MAPKAP1: variants seen among roughly 807,000 people sequenced by gnomAD.
MAPKAP1 encodes the protein MAPK associated protein 1.
MAPKAP1 carries 20 observed loss-of-function variants against 65.7 expected under a neutral mutation model. The observed-to-expected ratio is 0.30, with a 90% CI of 0.21 to 0.44. The LOEUF (loss-of-function observed/expected upper bound fraction) is 0.44, where lower values mean the gene tolerates loss of function less well. Among genes scored for constraint, MAPKAP1 ranks in the 20% least tolerant of loss-of-function variants. MAPKAP1 has a pLI of 1.00. For synonymous variants in MAPKAP1, 222 were observed against 244.3 expected (o/e 0.91, Z 0.85); for missense variants, 423 against 648.0 (o/e 0.65, Z 3.77).
At chr9:125,491,274 A>G (rs947426851) in intron 8 of MAPKAP1, among the ~76,000 whole-genome samples, 3 of 151,646 alleles carry the variant, frequency 2.0e-5, no homozygotes, top group African/African-American at 7.3e-5. Context: ...CAAAACTCTG[A>G]CTCTACAAAA....
chr9:125,644,790 G>C (rs1473224069), intron 4 of MAPKAP1, among the ~76,000 whole-genome samples: 1 of 152,102 alleles, frequency 6.6e-6, no homozygotes, highest in Non-Finnish European at 1.5e-5. Flanking sequence ...AATTATTCAT[G>C]GTCAACAGAC....
chr9:125,522,672 A>C (rs1292367995), intron 7 of MAPKAP1, among the ~76,000 whole-genome samples: 5 of 152,166 alleles, frequency 3.3e-5, no homozygotes, highest in Non-Finnish European at 5.9e-5. Context: ...CCCTATTGTT[A>C]GAGTGCTCTC....
intron 4 of MAPKAP1, among the ~76,000 whole-genome samples, chr9:125,612,453 G>A (rs1422754501): frequency 6.6e-6 from 1 of 151,806 alleles, no homozygotes; most frequent in Non-Finnish European, 1.5e-5. Flanking sequence ...AATGGGGGGC[G>A]GCATGTGGAG....
chr9:125,562,716 C>T (rs376227315), intron 5 of MAPKAP1, among the ~76,000 whole-genome samples: 12 of 152,164 alleles, frequency 7.9e-5, no homozygotes, highest in African/African-American at 2.2e-4. Context: ...CTCTGCAAAG[C>T]GGCTTAGATA....
chr9:125,702,574 G>A (rs888945010), intron 1 of MAPKAP1, among the ~76,000 whole-genome samples: 3 of 150,788 alleles, frequency 2.0e-5, no homozygotes, highest in Admixed American at 1.3e-4. Context: ...GTACATGGCC[G>A]GATGCAATGG....
At chr9:125,635,209 G>T (rs1372043021) in intron 4 of MAPKAP1, among the ~76,000 whole-genome samples, 1 of 152,188 alleles carries the variant, frequency 6.6e-6, no homozygotes, top group Non-Finnish European at 1.5e-5. Context: ...TGATTTACCA[G>T]ATGCTCTTAA....
chr9:125,580,917 A>G (rs1831604546), intron 5 of MAPKAP1, among the ~76,000 whole-genome samples: 1 of 152,202 alleles, frequency 6.6e-6, no homozygotes, highest in African/African-American at 2.4e-5. Context: ...ATTGTTCTCC[A>G]TCTGTATACT....
chr9:125,634,379 A>C (rs1204370524), intron 4 of MAPKAP1, among the ~76,000 whole-genome samples: 1 of 152,222 alleles, frequency 6.6e-6, no homozygotes, highest in Non-Finnish European at 1.5e-5. Flanking sequence ...CCCTTACCAC[A>C]ACCTCCTCCT....
At chr9:125,500,833 C>T (rs148746605) in intron 8 of MAPKAP1, among the ~76,000 whole-genome samples, 2,269 of 152,188 alleles carry the variant, frequency 0.015, 26 homozygotes, top group Non-Finnish European at 0.024. Flanking sequence ...GAAACAGAAT[C>T]CACTATAAAG....
chr9:125,625,253 A>C (rs1833074512), intron 4 of MAPKAP1, among the ~76,000 whole-genome samples: 1 of 39,100 alleles, frequency 2.6e-5, no homozygotes, highest in Non-Finnish European at 8.3e-5. Flanking sequence ...AAAATAAATA[A>C]ATAAAAAAAA....
chr9:125,537,466 C>T (rs924042602), intron 7 of MAPKAP1, among the ~76,000 whole-genome samples: 7 of 152,144 alleles, frequency 4.6e-5, no homozygotes, highest in African/African-American at 1.4e-4. Context: ...CCTCCCATGG[C>T]ACACAAATCC....
chr9:125,591,149 G>A (rs937441868), intron 4 of MAPKAP1, among the ~76,000 whole-genome samples: 2 of 152,162 alleles, frequency 1.3e-5, no homozygotes, highest in Admixed American at 6.5e-5. Flanking sequence ...AATAACCAAG[G>A]TGGAAGAGCC....
At chr9:125,692,129 G>C (rs945406782) in intron 1 of MAPKAP1, among the ~76,000 whole-genome samples, 3 of 152,140 alleles carry the variant, frequency 2.0e-5, no homozygotes, top group Admixed American at 2.0e-4. Flanking sequence ...GTTAAACAGA[G>C]CGTTACCATA....
At chr9:125,676,276 A>G (rs959136115) in intron 1 of MAPKAP1, among the ~76,000 whole-genome samples, 3 of 152,238 alleles carry the variant, frequency 2.0e-5, no homozygotes, top group African/African-American at 7.2e-5. Context: ...ATAATTGTGT[A>G]AAATATTTAT....
intron 10 of MAPKAP1, among the ~76,000 whole-genome samples, chr9:125,457,384 CTTCTT>C (rs887271884): frequency 2.6e-5 from 4 of 152,084 alleles, no homozygotes; most frequent in South Asian, 4.1e-4. Flanking sequence ...TTTTTGAGTT[CTTCTT>C]TTAAGTCCCT....
intron 9 of MAPKAP1, among the ~76,000 whole-genome samples, chr9:125,478,660 T>C (rs1246372016): frequency 1.3e-5 from 2 of 152,132 alleles, no homozygotes; most frequent in South Asian, 2.1e-4. Flanking sequence ...CACCTGTGGA[T>C]TGGCACCTGT....
At chr9:125,624,031 T>G (rs1448629438) in intron 4 of MAPKAP1, among the ~76,000 whole-genome samples, 1 of 26,396 alleles carries the variant, frequency 3.8e-5, no homozygotes, top group African/African-American at 8.0e-5. Flanking sequence ...GGGAGGGAGG[T>G]GGGGGGGTCA....
At chr9:125,693,710 C>T (rs200550366) in intron 1 of MAPKAP1, among the ~76,000 whole-genome samples, 4 of 130,012 alleles carry the variant, frequency 3.1e-5, no homozygotes, top group East Asian at 4.4e-4. Flanking sequence ...TATATATACA[C>T]ATATATACAC....
chr9:125,698,886 A>G (rs1835513337), intron 1 of MAPKAP1, among the ~76,000 whole-genome samples: 1 of 152,188 alleles, frequency 6.6e-6, no homozygotes, highest in Non-Finnish European at 1.5e-5. Flanking sequence ...ACTAATTTAC[A>G]AAACACAACA....
Sources: gnomAD v4.1 joint callset for allele counts (sites outside exome capture counted in the v4.1 genomes callset) on GRCh38, gnomAD v4.1.1 for gene constraint, MANE v1.5 for transcripts, NCBI Gene and HGNC (gene_info 2026-07-23, HGNC 2026-07-21) for gene names.